The following S100Z variants were observed in gnomAD, a reference collection of about 807,000 sequenced individuals.
S100Z encodes protein S100-Z.
Under a neutral mutation model 8.5 loss-of-function variants are expected in S100Z, and 11 were observed. The observed-to-expected ratio is 1.30, with a 90% CI of 0.82 to 2.15. S100Z has a LOEUF of 2.15. Among genes scored for constraint, S100Z ranks in the 30% most tolerant of loss-of-function variants. S100Z has a pLI of 0.00. For synonymous variants in S100Z, 34 were observed against 43.8 expected (o/e 0.78, Z 0.89); for missense variants, 126 against 117.9 (o/e 1.07, Z -0.32).
At chr5:76,934,757 C>T in the S100Z span, among the ~76,000 whole-genome samples, 2 of 152,318 alleles carry the variant, frequency 1.3e-5, no homozygotes, top group South Asian at 4.1e-4. Flanking sequence ...CTGCTGGTGT[C>T]TTGATCTTGG....
At chr5:76,934,412 AC>A in the S100Z span, among the ~76,000 whole-genome samples, 1 of 152,262 alleles carries the variant, frequency 6.6e-6, no homozygotes, top group Non-Finnish European at 1.5e-5. Context: ...AGACATAGTT[AC>A]AAACTCAAGG....
intron 4 of S100Z, among the ~76,000 whole-genome samples, chr5:76,908,244 G>A (rs773287983): frequency 7.2e-5 from 11 of 152,220 alleles, no homozygotes; most frequent in Non-Finnish European, 1.0e-4. Flanking sequence ...GCTGAGCCAA[G>A]GGTCAACGGA....
the S100Z span, among the ~76,000 whole-genome samples, chr5:76,939,356 G>C: frequency 9.3e-5 from 14 of 151,326 alleles, no homozygotes; most frequent in African/African-American, 2.9e-4. Context: ...GTTTCACTGT[G>C]TTAGCCAGGA....
chr5:76,917,728 C>T (rs1744897945), intron 4 of S100Z, among the ~76,000 whole-genome samples: 1 of 150,590 alleles, frequency 6.6e-6, no homozygotes. Context: ...GAGGCTGAGG[C>T]ACAAGAATCA....
the S100Z span, among the ~76,000 whole-genome samples, chr5:76,936,059 G>T: frequency 2.6e-5 from 4 of 152,142 alleles, no homozygotes; most frequent in Non-Finnish European, 4.4e-5. Flanking sequence ...TTACAGGCGT[G>T]AGCCACCGTG....
chr5:76,900,517 C>T (rs958694603), intron 4 of S100Z, among the ~76,000 whole-genome samples: 1 of 152,188 alleles, frequency 6.6e-6, no homozygotes, highest in Non-Finnish European at 1.5e-5. Flanking sequence ...TATTAAAGGA[C>T]TCTGATATAT....
intron 4 of S100Z, among the ~76,000 whole-genome samples, chr5:76,912,498 C>T (rs960249188): frequency 1.1e-4 from 17 of 152,294 alleles, no homozygotes; most frequent in Middle Eastern, 3.4e-3. Flanking sequence ...CCTCTTCCCC[C>T]AGGGACAAGG....
downstream of S100Z, among the ~76,000 whole-genome samples, chr5:76,923,013 T>TA (rs35837978): frequency 0.053 from 7,656 of 143,226 alleles, 242 homozygotes; most frequent in Non-Finnish European, 0.073. Context: ...AATGCCTATG[T>TA]AAAAAAAAAA....
chr5:76,947,502 G>A, the S100Z span, among the ~76,000 whole-genome samples: 1 of 152,010 alleles, frequency 6.6e-6, no homozygotes, highest in African/African-American at 2.4e-5. Flanking sequence ...TTTTTTTACT[G>A]AAATAGAAAA....
chr5:76,950,613 C>T, the S100Z span, among the ~76,000 whole-genome samples: 1 of 152,146 alleles, frequency 6.6e-6, no homozygotes, highest in African/African-American at 2.4e-5. Flanking sequence ...ATAACATCAA[C>T]ACTGGAGAAG....
chr5:76,885,203 G>T (rs1743559779), intron 4 of S100Z, among the ~76,000 whole-genome samples: 1 of 152,318 alleles, frequency 6.6e-6, no homozygotes. Context: ...GGCTAAGGGA[G>T]AAGGAGGAAT....
At chr5:76,900,995 G>A (rs988366302) in intron 4 of S100Z, among the ~76,000 whole-genome samples, 2 of 152,210 alleles carry the variant, frequency 1.3e-5, no homozygotes, top group Non-Finnish European at 2.9e-5. Context: ...CTCCTTGAAT[G>A]TCTTGGACAA....
chr5:76,942,445 C>CAAAAAAAA, the S100Z span, among the ~76,000 whole-genome samples: 11 of 72,730 alleles, frequency 1.5e-4, no homozygotes, highest in Admixed American at 4.6e-4. Context: ...AAAAAAAAAG[C>CAAAAAAAA]AAAAACCTCT....
chr5:76,852,313 T>A (rs1750754683), intron 1 of S100Z, among the ~76,000 whole-genome samples: 1 of 152,120 alleles, frequency 6.6e-6, no homozygotes, highest in Non-Finnish European at 1.5e-5. Context: ...TTTCTTAGTC[T>A]CAATTTTGCC....
At chr5:76,853,640 A>G (rs1474198094) in intron 1 of S100Z, among the ~76,000 whole-genome samples, 1 of 151,924 alleles carries the variant, frequency 6.6e-6, no homozygotes, top group Non-Finnish European at 1.5e-5. Context: ...TAGTAAAAAC[A>G]CAAAAAATTA....
intron 1 of S100Z, among the ~76,000 whole-genome samples, chr5:76,852,317 T>G (rs1267142511): frequency 1.3e-5 from 2 of 152,134 alleles, no homozygotes; most frequent in Non-Finnish European, 2.9e-5. Context: ...TTAGTCTCAA[T>G]TTTGCCTGTT....
At chr5:76,884,669 T>C (rs1003727816) in intron 4 of S100Z, among the ~76,000 whole-genome samples, 3 of 151,980 alleles carry the variant, frequency 2.0e-5, no homozygotes, top group Admixed American at 2.0e-4. Flanking sequence ...TAAGAGGAAA[T>C]AGTTGGGCAA....
At chr5:76,898,671 C>G (rs1183324106) in intron 4 of S100Z, among the ~76,000 whole-genome samples, 4 of 152,120 alleles carry the variant, frequency 2.6e-5, no homozygotes, top group African/African-American at 2.4e-5. Flanking sequence ...GATGAGTGAT[C>G]TTTCTGATGT....
At chr5:76,923,010 A>T (rs1440714076), downstream of S100Z, among the ~76,000 whole-genome samples, 1 of 117,268 alleles carries the variant, frequency 8.5e-6, no homozygotes, top group African/African-American at 3.4e-5. Context: ...TACAATGCCT[A>T]TGTAAAAAAA....
Sources: allele counts gnomAD v4.1 joint callset (sites outside exome capture counted in the v4.1 genomes callset), GRCh38; gene constraint gnomAD v4.1.1; transcripts MANE v1.5; gene names NCBI Gene and HGNC (gene_info 2026-07-23, HGNC 2026-07-21).